GBF1: variants seen among roughly 807,000 people sequenced by gnomAD.
GBF1 encodes the protein golgi brefeldin A resistant guanine nucleotide exchange factor 1.
A neutral mutation model predicts 210.5 loss-of-function variants in GBF1; 114 were observed. The ratio of observed to expected loss-of-function variants is 0.54; its 90% CI spans 0.47 to 0.63. The LOEUF is 0.63. GBF1 is among the 30% of genes least tolerant of loss of function. GBF1 has a pLI of 0.00. For synonymous variants in GBF1, 850 were observed against 889.2 expected (o/e 0.96, Z 0.78); for missense variants, 1,851 against 2,357.7 (o/e 0.79, Z 4.45).
intron 3 of GBF1, among the ~76,000 whole-genome samples, chr10:102,277,796 T>G (rs1345911776): frequency 1.3e-5 from 2 of 152,226 alleles, no homozygotes; most frequent in African/African-American, 4.8e-5. Context: ...TACAATAATT[T>G]ACTATTCATA....
chr10:102,361,139 A>G lies in GBF1; in HGVS notation c.1491+19A>G, dbSNP rs752340118. On this transcript the variant is annotated intron_variant, in intron 13 of 39. Coordinates refer to ENST00000369983, the MANE Select transcript of GBF1 (RefSeq NM_001377137.1). ...AATGGAGGTGAGTTTCTTGATGTGG[A>G]AAGAAAAGGGGGAAAAAAAATAGGG... The G allele has an allele frequency of 5.3e-6, 7 of 1,310,504 alleles. No homozygotes were observed. The African/African-American group carries it at 8.7e-5, about 16-fold the overall frequency. 81.2% of individuals were successfully genotyped at this position (1,310,504 alleles called of 1,614,324 possible).
At chr10:102,298,643 T>C (rs2077097955) in intron 3 of GBF1, among the ~76,000 whole-genome samples, 1 of 152,222 alleles carries the variant, frequency 6.6e-6, no homozygotes. Flanking sequence ...AGGAACTTTG[T>C]ATGTATCATC....
intron 1 of GBF1, among the ~76,000 whole-genome samples, chr10:102,258,095 C>T (rs1314036754): frequency 6.6e-6 from 1 of 151,386 alleles, no homozygotes; most frequent in African/African-American, 2.4e-5. Context: ...CCCAGGAGAG[C>T]CAGATAGTTG....
At chr10:102,275,882 C>A (rs74155245) in intron 3 of GBF1, among the ~76,000 whole-genome samples, 29 of 152,300 alleles carry the variant, frequency 1.9e-4, no homozygotes, top group African/African-American at 7.0e-4. Flanking sequence ...AAGTAGGTTT[C>A]ATTAATCCTC....
rs1375400299 is a variant in GBF1, at chr10:102,380,366, T to C, written c.4992+4T>C. On this transcript the variant is annotated splice_donor_region_variant and intron_variant, in intron 37 of 39. Coordinates refer to ENST00000369983, the MANE Select transcript of GBF1 (RefSeq NM_001377137.1). Reference sequence around the variant, plus strand: ...CGCAGGCTCCAGCGACTTACTGGTATGTTCTACCTCAGCTCTGCTGCCTGC... The same window carrying C: ...CGCAGGCTCCAGCGACTTACTGGTACGTTCTACCTCAGCTCTGCTGCCTGC... The C allele has an allele frequency of 5.0e-6, 8 of 1,605,374 alleles. No individual in the cohort carries two copies. Among genetic ancestry groups the C allele is most frequent in the Non-Finnish European group, 6.0e-6 (7 of 1,172,148 alleles).
intron 3 of GBF1, among the ~76,000 whole-genome samples, chr10:102,276,878 G>A (rs1002089134): frequency 6.6e-6 from 1 of 151,684 alleles, no homozygotes; most frequent in African/African-American, 2.4e-5. Flanking sequence ...ATGAACAGAT[G>A]GTGAATTTTC....
At chr10:102,342,593 G>T (rs1009034353) in intron 3 of GBF1, among the ~76,000 whole-genome samples, 2 of 151,942 alleles carry the variant, frequency 1.3e-5, no homozygotes, top group African/African-American at 4.8e-5. Context: ...AGGAGCAGCC[G>T]GGCCCAGGGA....
intron 3 of GBF1, among the ~76,000 whole-genome samples, chr10:102,339,012 A>T (rs2057978261): frequency 6.6e-6 from 1 of 152,170 alleles, no homozygotes; most frequent in Non-Finnish European, 1.5e-5. Context: ...AGGAATTGGA[A>T]CACTGAATGA....
intron 7 of GBF1, 81 bp from the exon 8 acceptor site, chr10:102,353,519 G>A: frequency 1.1e-6 from 1 of 922,180 alleles, no homozygotes; most frequent in Non-Finnish European, 1.8e-6. Flanking sequence ...CTGGCTCAGA[G>A]CACCTTTGGT....
At chr10:102,272,591 G>T (rs2074548941) in intron 3 of GBF1, among the ~76,000 whole-genome samples, 2 of 152,140 alleles carry the variant, frequency 1.3e-5, no homozygotes, top group Admixed American at 6.5e-5. Flanking sequence ...ATTAATATTT[G>T]ACTGAATCTT....
At chr10:102,248,710 ACTG>A (rs1565007805) in intron 1 of GBF1, among the ~76,000 whole-genome samples, 1 of 152,002 alleles carries the variant, frequency 6.6e-6, no homozygotes, top group Non-Finnish European at 1.5e-5. Flanking sequence ...ATCACAGCTC[ACTG>A]CAGCCTTGAC....
chr10:102,375,311 C>T (rs2135297653), intron 29 of GBF1, 48 bp from the exon 30 acceptor site: 1 of 1,060,316 alleles, frequency 9.4e-7, no homozygotes, highest in East Asian at 2.4e-5. Flanking sequence ...AAGCTGTGTG[C>T]CCACACAGCT....
At chr10:102,295,057 G>C (rs2076805761) in intron 3 of GBF1, among the ~76,000 whole-genome samples, 1 of 152,140 alleles carries the variant, frequency 6.6e-6, no homozygotes, top group Non-Finnish European at 1.5e-5. Flanking sequence ...TCTTTTAGTA[G>C]ATTCTTTTGG....
chr10:102,369,113 C>A, intron 23 of GBF1, 98 bp from the exon 24 acceptor site: 3 of 914,592 alleles, frequency 3.3e-6, no homozygotes, highest in Non-Finnish European at 3.5e-6. Context: ...GCAGAGCCAA[C>A]AAAAGGACCT....
intron 39 of GBF1, among the ~76,000 whole-genome samples, chr10:102,381,749 C>T (rs1011737694): frequency 5.2e-5 from 7 of 134,828 alleles, no homozygotes; most frequent in Middle Eastern, 4.2e-3. Flanking sequence ...CGCTTGAACC[C>T]GGGAGGCAGA....
intron 29 of GBF1, among the ~76,000 whole-genome samples, chr10:102,374,812 TA>T (rs2060403445): frequency 6.6e-6 from 1 of 152,198 alleles, no homozygotes; most frequent in Non-Finnish European, 1.5e-5. Context: ...GGGCAAAGTG[TA>T]TAAGGGACCT....
At chr10:102,234,936 C>T in the GBF1 span, among the ~76,000 whole-genome samples, 4 of 152,162 alleles carry the variant, frequency 2.6e-5, no homozygotes, top group Non-Finnish European at 4.4e-5. Context: ...GGCCAGAAAG[C>T]CGAGTTCAGG....
intron 3 of GBF1, among the ~76,000 whole-genome samples, chr10:102,341,412 AC>A (rs555386219): frequency 1.9e-3 from 294 of 152,302 alleles, no homozygotes; most frequent in African/African-American, 6.8e-3. Context: ...CCACACCTTT[AC>A]CTTTTGACCC....
chr10:102,288,123 G>C (rs949512227), intron 3 of GBF1, among the ~76,000 whole-genome samples: 3 of 152,144 alleles, frequency 2.0e-5, no homozygotes, highest in Non-Finnish European at 4.4e-5. Context: ...CAGTAAGCAT[G>C]ATCGATCTAC....
Sources: allele counts gnomAD v4.1 joint callset (sites outside exome capture counted in the v4.1 genomes callset), GRCh38; gene constraint gnomAD v4.1.1; transcripts MANE v1.5; gene names NCBI Gene and HGNC (gene_info 2026-07-23, HGNC 2026-07-21).